OLAH: variants seen among roughly 807,000 people sequenced by gnomAD.
OLAH encodes the protein S-acyl fatty acid synthase thioesterase, medium chain.
Under a neutral mutation model 27.8 loss-of-function variants are expected in OLAH, and 33 were observed. That is an observed-to-expected ratio of 1.19 (90% CI 0.90 to 1.59). The LOEUF (loss-of-function observed/expected upper bound fraction) is 1.59. OLAH is among the 40% of genes most tolerant of loss of function. The pLI, the probability that OLAH is intolerant of heterozygous loss-of-function variation, is 0.00. For synonymous variants in OLAH, 120 were observed against 102.9 expected (o/e 1.17, Z -1.01); for missense variants, 359 against 310.8 (o/e 1.16, Z -1.17).
At chr10:15,065,210 T>G (rs1844444051) in intron 5 of OLAH, among the ~76,000 whole-genome samples, 1 of 152,152 alleles carries the variant, frequency 6.6e-6, no homozygotes, top group Non-Finnish European at 1.5e-5. Flanking sequence ...AAAGACTCCT[T>G]GAAATGTTAA....
At chr10:15,039,261 C>G (rs1042326836), upstream of OLAH, among the ~76,000 whole-genome samples, 3 of 151,952 alleles carry the variant, frequency 2.0e-5, no homozygotes, top group Non-Finnish European at 2.9e-5. Flanking sequence ...CAAAGAAAAG[C>G]TAGTTTAAAA....
intron 1 of OLAH, among the ~76,000 whole-genome samples, chr10:15,045,867 C>T (rs1374749385): frequency 1.3e-5 from 2 of 151,526 alleles, no homozygotes; most frequent in African/African-American, 2.4e-5. Context: ...CCCGTCTCTA[C>T]TAAAAATACA....
chr10:15,037,033 C>T (rs917599595), intron 1 of OLAH, among the ~76,000 whole-genome samples: 1 of 151,568 alleles, frequency 6.6e-6, no homozygotes, highest in Non-Finnish European at 1.5e-5. Flanking sequence ...GAGCCAAGAT[C>T]GTGCCACAGC....
At chr10:15,051,735 A>G (rs1844148096) in intron 3 of OLAH, among the ~76,000 whole-genome samples, 1 of 152,080 alleles carries the variant, frequency 6.6e-6, no homozygotes, top group Non-Finnish European at 1.5e-5. Context: ...AACCACAATA[A>G]AGTCTTCAAA....
Position 15,056,927 on chromosome 10 carries a change from T to A in OLAH, c.164-4797T>A, listed in dbSNP as rs1413467907. 2.6e-6 allele frequency: 4 copies of A among 1,514,050 alleles called. No individual in the cohort carries two copies. In the Admixed American group the frequency reaches 6.4e-5, roughly 24 times the overall value. The allele number at this position is 1,514,050 out of a possible 1,614,324, so 93.8% of individuals were successfully genotyped here. A position where few individuals can be genotyped will look rare whatever the true frequency, so the allele number is the denominator to read the frequency against. ...GTGCTGGCGTGAGCCACCGTAGGCG[T>A]GAGCCACCGTGCCTGGCCAAAATTC... On this transcript the variant is annotated intron_variant, in intron 3 of 7. Transcript: ENST00000378228.
At chr10:15,072,717 G>A (rs985139183) in intron 7 of OLAH, among the ~76,000 whole-genome samples, 5 of 151,698 alleles carry the variant, frequency 3.3e-5, no homozygotes, top group African/African-American at 9.7e-5. Context: ...TCTTTCTGGC[G>A]GCCGGAAGCA....
At chr10:15,062,695 G>C (rs951750380) in intron 4 of OLAH, among the ~76,000 whole-genome samples, 9 of 151,100 alleles carry the variant, frequency 6.0e-5, no homozygotes, top group Non-Finnish European at 1.3e-4. Context: ...GTGGATATGA[G>C]CTATTTCTAT....
intron 1 of OLAH, among the ~76,000 whole-genome samples, chr10:15,032,875 T>C (rs1474137649): frequency 1.2e-5 from 1 of 80,182 alleles, no homozygotes; most frequent in Non-Finnish European, 2.4e-5. Context: ...AAAGAAAAGT[T>C]TTTTGTTTTC....
intron 2 of OLAH, among the ~76,000 whole-genome samples, chr10:15,048,425 C>A (rs1844064855): frequency 6.6e-6 from 1 of 152,306 alleles, no homozygotes; most frequent in Admixed American, 6.5e-5. Context: ...GCCATGTTGG[C>A]CAGGCTGGTC....
At chr10:15,053,199 C>T (rs1844180099) in intron 3 of OLAH, among the ~76,000 whole-genome samples, 1 of 152,060 alleles carries the variant, frequency 6.6e-6, no homozygotes, top group South Asian at 2.1e-4. Flanking sequence ...GGCCCCTCCA[C>T]CCCCAGCCAG....
At chr10:15,047,999 T>C (rs928601968) in intron 2 of OLAH, among the ~76,000 whole-genome samples, 6 of 152,196 alleles carry the variant, frequency 3.9e-5, no homozygotes, top group African/African-American at 1.4e-4. Flanking sequence ...GTATAACAGA[T>C]TGCATCATTA....
intron 3 of OLAH, among the ~76,000 whole-genome samples, chr10:15,052,541 G>A (rs564920184): frequency 4.6e-5 from 7 of 152,180 alleles, no homozygotes; most frequent in Admixed American, 4.6e-4. Flanking sequence ...CCAAAGTGCT[G>A]GGATTACAGG....
rs1253822910 is a variant in OLAH at position 15,049,769 on chromosome 10, T to C, written c.163+4T>C. On this transcript the variant is annotated splice_donor_region_variant and intron_variant, in intron 3 of 7. Coordinates refer to ENST00000378228, the MANE Select transcript of OLAH (RefSeq NM_001039702.3). ...GATACTCATGATTTGCTGGAAGGTA[T>C]GTTAATTTTTAACATCATTTAAGCA... 3.1e-6 allele frequency: 5 copies of C among 1,601,130 alleles called. No individual in the cohort carries two copies. The Admixed American group carries it at 5.4e-5, about 17-fold the overall frequency.
At chr10:15,040,844 C>T (rs982654391), upstream of OLAH, among the ~76,000 whole-genome samples, 2 of 152,178 alleles carry the variant, frequency 1.3e-5, no homozygotes, top group Non-Finnish European at 2.9e-5. Flanking sequence ...CCTCTTTCTA[C>T]TCTAGGACTT....
At chr10:15,034,725 C>T (rs1843813767) in intron 1 of OLAH, among the ~76,000 whole-genome samples, 2 of 152,124 alleles carry the variant, frequency 1.3e-5, no homozygotes, top group Admixed American at 6.5e-5. Flanking sequence ...TATGCCAAAA[C>T]CAGAGAGTAT....
chr10:15,062,383 A>G (rs1164723207), intron 4 of OLAH, among the ~76,000 whole-genome samples: 2 of 152,106 alleles, frequency 1.3e-5, no homozygotes, highest in Non-Finnish European at 2.9e-5. Context: ...AAGATTTACA[A>G]ATATGGTCAA....
chr10:15,069,595 G>A (rs1458384699), intron 6 of OLAH, among the ~76,000 whole-genome samples: 1 of 152,180 alleles, frequency 6.6e-6, no homozygotes, highest in African/African-American at 2.4e-5. Context: ...GGCTGGGCAC[G>A]GTGGCTCATG....
chr10:15,034,324 G>T (rs10906809), intron 1 of OLAH, among the ~76,000 whole-genome samples: 1 of 151,324 alleles, frequency 6.6e-6, no homozygotes, highest in Non-Finnish European at 1.5e-5. Flanking sequence ...GTAGAGACGG[G>T]GTTTCGCCAT....
At chr10:15,058,128 A>G (rs1447486615) in intron 3 of OLAH, among the ~76,000 whole-genome samples, 1 of 152,214 alleles carries the variant, frequency 6.6e-6, no homozygotes, top group Non-Finnish European at 1.5e-5. Flanking sequence ...TCCATGAGTG[A>G]GATCTGTTTC....
Sources: allele counts gnomAD v4.1 joint callset (sites outside exome capture counted in the v4.1 genomes callset), GRCh38; gene constraint gnomAD v4.1.1; transcripts MANE v1.5; gene names NCBI Gene and HGNC (gene_info 2026-07-23, HGNC 2026-07-21).